The following CDKL5 variants were observed in gnomAD, a reference collection of about 807,000 sequenced individuals.
The protein encoded by CDKL5 is cyclin dependent kinase like 5.
In CDKL5, 8 loss-of-function variants were observed where a neutral mutation model predicts 61.7. That is an observed-to-expected ratio of 0.13 (90% CI 0.08 to 0.23). The LOEUF is 0.23. CDKL5 is among the 10% of genes least tolerant of loss of function. CDKL5 has a pLI of 1.00. For missense variants in CDKL5, 440 were observed against 734.5 expected, an observed-to-expected ratio of 0.60 and a Z score of 4.63; for synonymous variants, 275 against 272.3, an observed-to-expected ratio of 1.01 and a Z score of -0.10.
intron 1 of CDKL5, among the ~76,000 whole-genome samples, chrX:18,471,205 TAGTA>T (rs1053988286): frequency 3.8e-4 from 42 of 110,759 alleles, no homozygotes; most frequent in African/African-American, 1.1e-3. Flanking sequence ...TGTGGGTACA[TAGTA>T]GGTATATATA....
chrX:18,649,993 C>T (rs1278300633), intron 20 of CDKL5: 2 of 208,304 alleles, frequency 9.6e-6, no homozygotes, highest in Non-Finnish European at 1.8e-5. Context: ...GCCGCCGCCC[C>T]GCTCAGGGCT....
At chrX:18,643,286 G>A (rs1013584484), downstream of CDKL5, among the ~76,000 whole-genome samples, 1 of 111,693 alleles carries the variant, frequency 9.0e-6, no homozygotes, top group Non-Finnish European at 1.9e-5. Flanking sequence ...GAAAATATCT[G>A]GCTGTTGCAT....
intron 4 of CDKL5, among the ~76,000 whole-genome samples, chrX:18,573,400 C>T (rs896915106): frequency 8.9e-5 from 10 of 112,094 alleles, no homozygotes; most frequent in African/African-American, 2.9e-4. Flanking sequence ...TAGGAAACTG[C>T]CGGTGTTCCT....
rs772239083 is a variant in CDKL5, at chrX:18,602,031, CA to C, written c.978-1870del. On this transcript the variant is annotated intron_variant, in intron 11 of 17. Coordinates refer to ENST00000623535, the MANE Select transcript of CDKL5 (RefSeq NM_001323289.2). Reference sequence around the variant, plus strand: ...AAGCTGTCATCTAGAAGGACACAGCCACGATCTGAGTCAGGGTGCAGATGCC... The same window carrying C: ...AAGCTGTCATCTAGAAGGACACAGCCCGATCTGAGTCAGGGTGCAGATGCC... 1.2e-4 allele frequency among the ~76,000 whole-genome samples: 13 copies of C among 111,740 alleles called. No individual in the cohort carries two copies. The South Asian group carries it at 4.8e-3, about 42-fold the overall frequency.
chrX:18,538,291 T>A (rs1267059607), intron 3 of CDKL5, among the ~76,000 whole-genome samples: 1 of 112,065 alleles, frequency 8.9e-6, no homozygotes, highest in Non-Finnish European at 1.9e-5. Context: ...TGGATTGTTT[T>A]ATTATTGTTG....
chrX:18,574,893 A>G (rs142603360), intron 4 of CDKL5, among the ~76,000 whole-genome samples: 1,229 of 112,185 alleles, frequency 0.011, 21 homozygotes, highest in African/African-American at 0.038. Flanking sequence ...GGCCATCCTT[A>G]AAAACATCAG....
intron 21 of CDKL5, among the ~76,000 whole-genome samples, chrX:18,652,436 AG>A (rs1928087001): frequency 8.9e-6 from 1 of 112,250 alleles, no homozygotes; most frequent in Non-Finnish European, 1.9e-5. Flanking sequence ...TGGGAGGCCG[AG>A]GCGGGAGGAT....
In CDKL5 at chrX:18,435,625, G is replaced by A. The variant is rs188315097; in HGVS notation, c.-163+9930G>A. Among the ~76,000 whole-genome samples the A allele has an allele frequency of 5.7e-3, 634 of 111,268 alleles. 4 individuals are homozygous for A. Among genetic ancestry groups the A allele is most frequent in the South Asian group, 9.9e-3 (26 of 2,639 alleles). On this transcript the variant is annotated intron_variant, in intron 1 of 17. Coordinates refer to ENST00000623535, the MANE Select transcript of CDKL5 (RefSeq NM_001323289.2). ...TCTGTCTCCCAGGCTGGAGTGCAGT[G>A]GTGCGATCTTGGCTCACTGCCACCT...
intron 3 of CDKL5, among the ~76,000 whole-genome samples, chrX:18,521,152 G>A (rs747556172): frequency 1.8e-5 from 2 of 112,108 alleles, no homozygotes; most frequent in South Asian, 3.6e-4. Flanking sequence ...CTTTTCATGC[G>A]CTTTTGGTCA....
At chrX:18,534,470 AATAAAAT>A (rs2147111326) in intron 3 of CDKL5, among the ~76,000 whole-genome samples, 1 of 111,894 alleles carries the variant, frequency 8.9e-6, no homozygotes, top group African/African-American at 3.2e-5. Flanking sequence ...TCTTACATTT[AATAAAAT>A]ATTGCACTTT....
At chrX:18,573,708 G>A (rs954990247) in intron 4 of CDKL5, among the ~76,000 whole-genome samples, 15 of 112,202 alleles carry the variant, frequency 1.3e-4, no homozygotes, top group African/African-American at 4.9e-4. Context: ...CTCATAGGCA[G>A]TATCTCTCTT....
chrX:18,557,435 C>T (rs1458261460), intron 3 of CDKL5, among the ~76,000 whole-genome samples: 2 of 111,392 alleles, frequency 1.8e-5, no homozygotes, highest in Non-Finnish European at 1.9e-5. Context: ...TTGGTATCCT[C>T]GGGGATCCTG....
chrX:18,652,041 AC>A (rs1449872831), intron 21 of CDKL5, among the ~76,000 whole-genome samples: 1 of 107,904 alleles, frequency 9.3e-6, no homozygotes, highest in Non-Finnish European at 1.9e-5. Flanking sequence ...CACCCTTCAC[AC>A]CTGTCACGCA....
intron 1 of CDKL5, among the ~76,000 whole-genome samples, chrX:18,448,929 C>T (rs1159974458): frequency 1.8e-5 from 2 of 112,158 alleles, no homozygotes; most frequent in African/African-American, 6.5e-5. Flanking sequence ...GATCTCAGCT[C>T]ACTGCAACCT....
chrX:18,463,654 C>T (rs1932339284), intron 1 of CDKL5, among the ~76,000 whole-genome samples: 1 of 112,201 alleles, frequency 8.9e-6, no homozygotes. Flanking sequence ...GTCATAAAAA[C>T]ATCCTGTCCA....
chrX:18,512,612 T>G (rs1320035374), intron 3 of CDKL5, among the ~76,000 whole-genome samples: 1 of 111,023 alleles, frequency 9.0e-6, no homozygotes, highest in Non-Finnish European at 1.9e-5. Flanking sequence ...GCCATTAAAT[T>G]TTCAAAAATG....
chrX:18,651,268 A>T (rs763246438), intron 21 of CDKL5, among the ~76,000 whole-genome samples: 1,106 of 99,627 alleles, frequency 0.011, 19 homozygotes, highest in African/African-American at 0.036. Flanking sequence ...TGTGTGTGAG[A>T]GAGAGAGAGA....
At chrX:18,579,551 A>G (rs1170203326) in intron 5 of CDKL5, among the ~76,000 whole-genome samples, 1 of 111,239 alleles carries the variant, frequency 9.0e-6, no homozygotes, top group African/African-American at 3.3e-5. Flanking sequence ...TCTACTTTGT[A>G]TTGCTTTTCT....
At chrX:18,619,797 A>G in intron 15 of CDKL5, 70 bp from the exon 16 acceptor site, 1 of 713,699 alleles carries the variant, frequency 1.4e-6, no homozygotes, top group Non-Finnish European at 2.2e-6. Flanking sequence ...TTCAGTCCTT[A>G]TTATATTTGT....
Sources: gnomAD v4.1 joint callset for allele counts (sites outside exome capture counted in the v4.1 genomes callset) on GRCh38, gnomAD v4.1.1 for gene constraint, MANE v1.5 for transcripts, NCBI Gene and HGNC (gene_info 2026-07-23, HGNC 2026-07-21) for gene names.